WDR11: variants seen among roughly 807,000 people sequenced by gnomAD.
The protein encoded by WDR11 is WD repeat-containing protein 11.
Under a neutral mutation model 151.2 loss-of-function variants are expected in WDR11, and 83 were observed. The ratio of observed to expected loss-of-function variants is 0.55; its 90% CI spans 0.46 to 0.66. The LOEUF (loss-of-function observed/expected upper bound fraction) is 0.66, where lower values mean the gene tolerates loss of function less well. Ranked by LOEUF, WDR11 falls within the 30% of genes least tolerant of loss-of-function variation. The pLI, the probability that WDR11 is intolerant of heterozygous loss-of-function variation, is 0.00. For synonymous variants in WDR11, 484 were observed against 533.1 expected, an observed-to-expected ratio of 0.91 and a Z score of 1.27; for missense variants, 1,301 against 1,480.9, an observed-to-expected ratio of 0.88 and a Z score of 1.99.
intron 9 of WDR11, among the ~76,000 whole-genome samples, chr10:120,869,303 C>T (rs1295767955): frequency 1.3e-5 from 2 of 151,480 alleles, no homozygotes; most frequent in African/African-American, 2.4e-5. Context: ...TTAGTAGAGA[C>T]GGGGTTTCAC....
At chr10:120,860,407 A>C in intron 4 of WDR11, 125 bp downstream of exon 4, 1 of 1,112,162 alleles carries the variant, frequency 9.0e-7, no homozygotes, top group Non-Finnish European at 1.3e-6. Context: ...CGAAGTGGAG[A>C]AGCATGTCTA....
chr10:120,897,057 A>T (rs759384608), intron 19 of WDR11, among the ~76,000 whole-genome samples: 4 of 152,184 alleles, frequency 2.6e-5, no homozygotes, highest in Non-Finnish European at 5.9e-5. Context: ...TCAAGTAAGG[A>T]ATTGAAAAAC....
rs751513223 is a variant in WDR11 at position 120,885,870 on chromosome 10, A to G, written c.1905A>G (p.Arg635=). 6.2e-7 allele frequency: 1 copy of G among 1,613,916 alleles called. No individual in the cohort carries two copies. Among genetic ancestry groups the G allele is most frequent in the Non-Finnish European group, 8.5e-7 (1 of 1,179,820 alleles). The stretch of plus-strand genomic sequence containing the variant: ...TGAGAAAGAAGCAACTTGCAACTCG[A>G]GAGGCCATGGCCCGCCAGACCGTAG... ...KSLRKKQLAT[R]EAMARQTVVS... The change falls in exon 15 of 29, where the codon CGA becomes CGG. Residue 635 remains arginine, a synonymous_variant. Coordinates refer to ENST00000263461, the MANE Select transcript of WDR11 (RefSeq NM_018117.12).
chr10:120,902,682 C>A (rs988768426), intron 22 of WDR11, among the ~76,000 whole-genome samples: 1 of 138,100 alleles, frequency 7.2e-6, no homozygotes, highest in African/African-American at 3.5e-5. Flanking sequence ...GACTCCTCTC[C>A]CCACAGAATA....
intron 14 of WDR11, among the ~76,000 whole-genome samples, chr10:120,884,640 C>G (rs1450587677): frequency 6.7e-6 from 1 of 150,064 alleles, no homozygotes; most frequent in Non-Finnish European, 1.5e-5. Context: ...TTTAATTAAT[C>G]AAGATTAATG....
At chr10:120,898,885 TC>T (rs1489670623) in intron 19 of WDR11, among the ~76,000 whole-genome samples, 1 of 152,170 alleles carries the variant, frequency 6.6e-6, no homozygotes, top group Non-Finnish European at 1.5e-5. Flanking sequence ...ACAAATACAG[TC>T]ACTTAAATAA....
At chr10:120,878,244 T>A in intron 11 of WDR11, 109 bp from the exon 12 acceptor site, 1 of 803,408 alleles carries the variant, frequency 1.2e-6, no homozygotes, top group Non-Finnish European at 2.0e-6. Context: ...ACTTTTTAAT[T>A]AATTTGTGTA....
At chr10:120,887,750 A>G (rs777811277) in intron 16 of WDR11, among the ~76,000 whole-genome samples, 9 of 152,208 alleles carry the variant, frequency 5.9e-5, no homozygotes, top group Non-Finnish European at 2.9e-5. Flanking sequence ...TCACGACATG[A>G]CAACTGGCCT....
chr10:120,902,200 T>C, intron 21 of WDR11, 57 bp from the exon 22 acceptor site: 1 of 1,403,052 alleles, frequency 7.1e-7, no homozygotes, highest in African/African-American at 1.4e-5. Flanking sequence ...TCAACCCCCA[T>C]GCTTTATTGT....
Position 120,904,108 on chromosome 10 carries a change from G to C in WDR11, c.2993G>C (p.Arg998Thr). ...AAACGGTCAACTTATGATCATACAA[G>C]GAAATGTACAGACCAGCTACTGCTC... The part of the protein sequence containing the change: ...EVKRSTYDHT[R>T]KCTDQLLLLG... The change falls in exon 24 of 29, where the codon AGG becomes ACG. Residue 998 changes from arginine to threonine, a missense_variant. Arg to Thr is a moderately conservative substitution (Grantham distance 71, BLOSUM62 -1). Coordinates refer to ENST00000263461, the MANE Select transcript of WDR11 (RefSeq NM_018117.12). 6.2e-7 allele frequency: 1 copy of C among 1,613,454 alleles called. No homozygotes were observed. The highest frequency in any genetic ancestry group is 8.5e-7 in the Non-Finnish European group (1 of 1,179,612).
chr10:120,877,177 A>G (rs1846824245), intron 11 of WDR11, among the ~76,000 whole-genome samples: 1 of 152,174 alleles, frequency 6.6e-6, no homozygotes, highest in South Asian at 2.1e-4. Context: ...TACTTGACTT[A>G]TACATGTTAA....
At chr10:120,899,055 A>T (rs1333967552) in intron 19 of WDR11, among the ~76,000 whole-genome samples, 1 of 152,200 alleles carries the variant, frequency 6.6e-6, no homozygotes, top group Non-Finnish European at 1.5e-5. Context: ...GTCGAGTCCG[A>T]TAGAGTGTAG....
intron 14 of WDR11, 71 bp from the exon 15 acceptor site, chr10:120,885,743 C>T (rs774292947): frequency 1.1e-5 from 17 of 1,597,514 alleles, no homozygotes; most frequent in Non-Finnish European, 1.4e-5. Flanking sequence ...TGTGTGTGCC[C>T]AGCTCTTCTG....
chr10:120,894,553 A>G (rs947763023), intron 19 of WDR11, among the ~76,000 whole-genome samples: 4 of 152,178 alleles, frequency 2.6e-5, no homozygotes, highest in Non-Finnish European at 4.4e-5. Flanking sequence ...ACTGAACAAA[A>G]TCACAAAATA....
Position 120,908,703 on chromosome 10 carries a change from T to TTGA in WDR11, c.3666_3668dup (p.Ile1222_Glu1223insAsp), listed in dbSNP as rs745863549. 1 of 1,613,960 alleles carries TTGA rather than the reference T, an allele frequency of 6.2e-7. No homozygotes were observed. Among genetic ancestry groups the TTGA allele is most frequent in the Non-Finnish European group, 8.5e-7 (1 of 1,180,032 alleles). On this transcript the variant is annotated inframe_insertion, in exon 29 of 29. Coordinates refer to ENST00000263461, the MANE Select transcript of WDR11 (RefSeq NM_018117.12). ...CTTGAGTCCCCCAAGGAAGAACCCATTGAAGAGTGACAGCTTAATAAATGC... is the reference window on the plus strand; with the variant it reads ...CTTGAGTCCCCCAAGGAAGAACCCATTGATGAAGAGTGACAGCTTAATAAATGC...
At chr10:120,885,672 T>C in intron 14 of WDR11, 142 bp from the exon 15 acceptor site, 2 of 1,110,010 alleles carry the variant, frequency 1.8e-6, no homozygotes, top group Non-Finnish European at 2.6e-6. Flanking sequence ...TCTAAGTAGG[T>C]AAAATCTAAA....
At chr10:120,863,306 C>A (rs1846200779) in intron 5 of WDR11, among the ~76,000 whole-genome samples, 1 of 152,198 alleles carries the variant, frequency 6.6e-6, no homozygotes. Flanking sequence ...TCTCATTCAG[C>A]AGTAAAATCG....
chr10:120,865,078 C>T lies in WDR11; in HGVS notation c.745C>T (p.Gln249Ter), dbSNP rs771719844. 6.2e-7 allele frequency: 1 copy of T among 1,613,918 alleles called. No homozygotes were observed. The highest frequency in any genetic ancestry group is 8.5e-7 in the Non-Finnish European group (1 of 1,179,856). The change falls in exon 6 of 29, where the codon CAG (glutamine) becomes TAG (stop). Residue 249 changes from glutamine (Q) to a stop codon, truncating the protein, a stop_gained. Coordinates refer to ENST00000263461, the MANE Select transcript of WDR11 (RefSeq NM_018117.12). LOFTEE classifies it high-confidence loss of function. The stretch of plus-strand genomic sequence containing the variant: ...ATTCATAACTCTCAATGATTGCCTT[C>T]AGTTGGCATACCTGCCTTCAAAAAG... ...AEFITLNDCL[Q>*]LAYLPSKRNH...
At position 120,908,764 on chromosome 10, in the gene WDR11, C is replaced by A; in HGVS notation, c.*51C>A. ...GACCTGGAAGGCAGATGGGAGGGGG[C>A]TGGTCTGGCTGTGGCCACCGTCACA... is the stretch of plus-strand genomic sequence containing the variant. On this transcript the variant is annotated 3_prime_UTR_variant, in exon 29 of 29. Transcript: ENST00000263461. 6.2e-7 allele frequency: 1 copy of A among 1,604,688 alleles called. No individual in the cohort carries two copies. Among genetic ancestry groups the A allele is most frequent in the Non-Finnish European group, 8.5e-7 (1 of 1,173,250 alleles).
Sources: gnomAD v4.1 joint callset for allele counts (sites outside exome capture counted in the v4.1 genomes callset) on GRCh38, gnomAD v4.1.1 for gene constraint, MANE v1.5 for transcripts, NCBI Gene and HGNC (gene_info 2026-07-23, HGNC 2026-07-21) for gene names.